The following ZNF618 variants were observed in gnomAD, a reference collection of about 807,000 sequenced individuals.
ZNF618 encodes the protein neural precursor cell expressed, developmentally down-regulated 10.
Under a neutral mutation model 103.0 loss-of-function variants are expected in ZNF618, and 34 were observed. The ratio of observed to expected loss-of-function variants is 0.33; its 90% CI spans 0.25 to 0.44. The LOEUF (loss-of-function observed/expected upper bound fraction) is 0.44, where lower values mean the gene tolerates loss of function less well. Among genes scored for constraint, ZNF618 ranks in the 20% least tolerant of loss-of-function variants. ZNF618 has a pLI of 1.00. For missense variants in ZNF618, 1,059 were observed against 1,295.4 expected (o/e 0.82, Z 2.80); for synonymous variants, 551 against 542.2 (o/e 1.02, Z -0.23).
intron 2 of ZNF618, among the ~76,000 whole-genome samples, chr9:113,981,156 G>T (rs1838938658): frequency 6.6e-6 from 1 of 152,152 alleles, no homozygotes; most frequent in Non-Finnish European, 1.5e-5. Flanking sequence ...TCATTCCTAA[G>T]GAGTGGAGTT....
At position 114,002,670 on chromosome 9, in the gene ZNF618, CT is replaced by C. The variant is rs1193424329; in HGVS notation, c.550+13del. 1.2e-6 allele frequency: 2 copies of C among 1,611,022 alleles called. No individual in the cohort carries two copies. Among genetic ancestry groups the C allele is most frequent in the South Asian group, 1.1e-5 (1 of 90,824 alleles). ...AGGGAGCCTCCCAAAGCAGTGAGTACTTTTTCCTCCTCGTGGGCTGCTGAGG... is the reference window on the plus strand; with the variant it reads ...AGGGAGCCTCCCAAAGCAGTGAGTACTTTTCCTCCTCGTGGGCTGCTGAGG... On this transcript the variant is annotated intron_variant, in intron 6 of 14. Coordinates refer to ENST00000374126, the MANE Select transcript of ZNF618 (RefSeq NM_001318042.2).
intron 1 of ZNF618, among the ~76,000 whole-genome samples, chr9:113,944,101 A>G (rs924050757): frequency 1.3e-5 from 2 of 152,242 alleles, no homozygotes; most frequent in East Asian, 1.9e-4. Context: ...GGTTTGATCC[A>G]ATGTGGAATT....
At chr9:113,876,885 C>G (rs1012063711) in intron 1 of ZNF618, among the ~76,000 whole-genome samples, 2 of 148,098 alleles carry the variant, frequency 1.4e-5, no homozygotes, top group African/African-American at 5.0e-5. Context: ...TTTTTTTAGG[C>G]CATATTTTCC....
rs1554733060 is a variant in ZNF618, at chr9:113,951,516, T to TAC, written c.34-17600_34-17599insCA. ...GTGTATGTGTACACATATATGTGTG[T>TAC]ATATGTACACATATGTGTGTACATA... On this transcript the variant is annotated intron_variant, in intron 1 of 14. Transcript: ENST00000374126. Among the ~76,000 whole-genome samples the TAC allele has an allele frequency of 5.4e-4, 45 of 83,328 alleles. 5 individuals carry two copies. The highest frequency in any genetic ancestry group is 6.7e-3 in the Middle Eastern group (1 of 150). The allele number at this position is 83,328 out of a possible 152,430, so 54.7% of individuals were successfully genotyped here.
intron 12 of ZNF618, among the ~76,000 whole-genome samples, chr9:114,034,619 C>T (rs1844419544): frequency 6.6e-6 from 1 of 152,196 alleles, no homozygotes; most frequent in African/African-American, 2.4e-5. Context: ...GATTGCTGCC[C>T]TAGGTCCCCC....
chr9:113,938,564 C>CTTTTCTTT lies in ZNF618; in HGVS notation c.34-30549_34-30548insCTTTTTTT, dbSNP rs1564192158. 5.1e-5 allele frequency among the ~76,000 whole-genome samples: 4 copies of CTTTTCTTT among 77,720 alleles called. 1 individual carries two copies. Among genetic ancestry groups the CTTTTCTTT allele is most frequent in the Non-Finnish European group, 5.8e-5 (2 of 34,208 alleles). The allele number at this position is 77,720 out of a possible 152,430, so 51.0% of individuals were successfully genotyped here. On this transcript the variant is annotated intron_variant, in intron 1 of 14. Transcript: ENST00000374126. ...GTGATTCCTCCTCCCATTATATTTTCTTTTTTTCTTTTTTTTTTTTTTGAG... is the reference window on the plus strand; with the variant it reads ...GTGATTCCTCCTCCCATTATATTTTCTTTTCTTTTTTTTTTCTTTTTTTTTTTTTTGAG...
chr9:113,951,500 T>C lies in ZNF618; in HGVS notation c.34-17617T>C, dbSNP rs1238424762. Among the ~76,000 whole-genome samples, 3 of 108,202 alleles carry C rather than the reference T, an allele frequency of 2.8e-5. 1 individual carries two copies. The highest frequency in any genetic ancestry group is 3.2e-4 in the East Asian group (1 of 3,110). 71.0% of individuals were successfully genotyped at this position (108,202 alleles called of 152,430 possible). ...GTGTACACATATATGTGTGTATGTGTACACATATATGTGTGTATATGTACA... is the reference window on the plus strand; with the variant it reads ...GTGTACACATATATGTGTGTATGTGCACACATATATGTGTGTATATGTACA... On this transcript the variant is annotated intron_variant, in intron 1 of 14. Transcript: ENST00000374126.
chr9:113,922,030 G>A (rs1376345582), intron 1 of ZNF618, among the ~76,000 whole-genome samples: 1 of 152,176 alleles, frequency 6.6e-6, no homozygotes, highest in African/African-American at 2.4e-5. Flanking sequence ...CACTTTGGAT[G>A]TTGATTTTTG....
At chr9:113,998,738 C>T (rs548021902) in intron 4 of ZNF618, among the ~76,000 whole-genome samples, 3 of 152,378 alleles carry the variant, frequency 2.0e-5, no homozygotes, top group Non-Finnish European at 2.9e-5. Flanking sequence ...GCAGGGCCTG[C>T]GGCTGCCCCT....
intron 2 of ZNF618, among the ~76,000 whole-genome samples, chr9:113,972,351 T>C (rs1279669188): frequency 1.3e-5 from 2 of 152,118 alleles, no homozygotes; most frequent in African/African-American, 2.4e-5. Flanking sequence ...GCCCACCCTT[T>C]ATTTATTAAT....
At chr9:114,041,415 C>T (rs1194982551) in intron 13 of ZNF618, among the ~76,000 whole-genome samples, 1 of 152,162 alleles carries the variant, frequency 6.6e-6, no homozygotes, top group Non-Finnish European at 1.5e-5. Flanking sequence ...TGCCTATGTC[C>T]TGAATGGTAT....
intron 2 of ZNF618, among the ~76,000 whole-genome samples, chr9:113,972,236 C>G (rs916012427): frequency 3.3e-5 from 5 of 152,012 alleles, no homozygotes; most frequent in African/African-American, 9.7e-5. Context: ...TTTTGTAGAG[C>G]TGGGGTTTCA....
At chr9:113,980,661 T>C (rs1838890386) in intron 2 of ZNF618, among the ~76,000 whole-genome samples, 1 of 152,222 alleles carries the variant, frequency 6.6e-6, no homozygotes, top group South Asian at 2.1e-4. Context: ...GAACTGATCC[T>C]TGGGGCATAT....
At chr9:114,024,727 C>T (rs116345493) in intron 10 of ZNF618, among the ~76,000 whole-genome samples, 3,112 of 151,818 alleles carry the variant, frequency 0.02, 118 homozygotes, top group African/African-American at 0.071. Flanking sequence ...CACTACACAG[C>T]CCCCCCACCC....
At chr9:113,988,887 C>T (rs1839752082) in intron 3 of ZNF618, among the ~76,000 whole-genome samples, 1 of 152,220 alleles carries the variant, frequency 6.6e-6, no homozygotes, top group Non-Finnish European at 1.5e-5. Context: ...TCAGGGCTCC[C>T]ATACCCCTGG....
At chr9:114,035,202 C>T (rs905989579) in intron 12 of ZNF618, 10 of 985,912 alleles carry the variant, frequency 1.0e-5, no homozygotes, top group African/African-American at 1.7e-5. Flanking sequence ...AACTGCAAGT[C>T]CCCTGATTTC....
chr9:113,958,301 T>C (rs1174099172), intron 1 of ZNF618, among the ~76,000 whole-genome samples: 1 of 151,996 alleles, frequency 6.6e-6, no homozygotes, highest in Non-Finnish European at 1.5e-5. Flanking sequence ...TGCCTCTAAG[T>C]CCTCCCCTGC....
rs1391953041 is a variant in ZNF618 at position 113,996,996 on chromosome 9, A to T, written c.338-1263A>T. ...CGACGGATGTTGAGTTGCCAGCCTC[A>T]TGAGGACTTCTGGGAAGATGGTGGA... On this transcript the variant is annotated intron_variant, in intron 3 of 14. Transcript: ENST00000374126. Among the ~76,000 whole-genome samples the T allele has an allele frequency of 2.0e-5, 3 of 152,250 alleles. No homozygotes were observed. The South Asian group carries it at 6.2e-4, about 32-fold the overall frequency.
At chr9:114,002,784 G>A in intron 6 of ZNF618, 122 bp downstream of exon 6, 2 of 1,087,288 alleles carry the variant, frequency 1.8e-6, no homozygotes, top group South Asian at 1.6e-5. Context: ...ACAGTGCTGG[G>A]GTCCAAGCTT....
Sources: allele counts gnomAD v4.1 joint callset (sites outside exome capture counted in the v4.1 genomes callset), GRCh38; gene constraint gnomAD v4.1.1; transcripts MANE v1.5; gene names NCBI Gene and HGNC (gene_info 2026-07-23, HGNC 2026-07-21).